The following SPOCK3 variants were observed in gnomAD, a reference collection of about 807,000 sequenced individuals.
SPOCK3 encodes the protein SPARC (osteonectin), cwcv and kazal like domains proteoglycan 3.
A neutral mutation model predicts 56.6 loss-of-function variants in SPOCK3; 30 were observed. The ratio of observed to expected loss-of-function variants is 0.53; its 90% CI spans 0.40 to 0.72. The LOEUF is 0.72. Among genes scored for constraint, SPOCK3 ranks in the 30% least tolerant of loss-of-function variants. The pLI, the probability that SPOCK3 is intolerant of heterozygous loss-of-function variation, is 0.00. For synonymous variants in SPOCK3, 196 were observed against 183.3 expected (o/e 1.07, Z -0.56); for missense variants, 527 against 530.0 (o/e 0.99, Z 0.06).
chr4:167,100,479 T>A (rs1759546989), intron 2 of SPOCK3, among the ~76,000 whole-genome samples: 2 of 148,022 alleles, frequency 1.4e-5, no homozygotes, highest in Admixed American at 6.8e-5. Flanking sequence ...ACCCACATTC[T>A]CTCTCTCTCA....
At chr4:167,156,305 G>C (rs1013589676) in intron 2 of SPOCK3, among the ~76,000 whole-genome samples, 2 of 152,090 alleles carry the variant, frequency 1.3e-5, no homozygotes, top group African/African-American at 2.4e-5. Context: ...TGATAATTCT[G>C]TTTCATAACT....
At chr4:166,876,291 G>A (rs559313672) in intron 6 of SPOCK3, among the ~76,000 whole-genome samples, 3 of 152,122 alleles carry the variant, frequency 2.0e-5, no homozygotes, top group African/African-American at 7.2e-5. Context: ...ATACCGCTGC[G>A]AATGTGACTG....
chr4:167,199,723 A>C (rs957189845), intron 2 of SPOCK3, among the ~76,000 whole-genome samples: 5 of 147,702 alleles, frequency 3.4e-5, no homozygotes, highest in Non-Finnish European at 7.5e-5. Context: ...AATAATAATA[A>C]TAATAATAAT....
At chr4:166,839,796 T>C (rs1239575016) in intron 6 of SPOCK3, among the ~76,000 whole-genome samples, 1 of 152,154 alleles carries the variant, frequency 6.6e-6, no homozygotes, top group Non-Finnish European at 1.5e-5. Flanking sequence ...TTTAGCTATA[T>C]AACCATAAAC....
intron 2 of SPOCK3, among the ~76,000 whole-genome samples, chr4:167,104,776 C>T (rs1368138889): frequency 6.6e-6 from 1 of 151,326 alleles, no homozygotes; most frequent in Non-Finnish European, 1.5e-5. Flanking sequence ...CAAAGATTAT[C>T]TCAAGGCATT....
At chr4:166,821,088 T>C (rs549289246) in intron 6 of SPOCK3, among the ~76,000 whole-genome samples, 7 of 152,068 alleles carry the variant, frequency 4.6e-5, no homozygotes, top group African/African-American at 1.7e-4. Context: ...TAAAGAAATA[T>C]TATAATTCAA....
chr4:166,807,219 T>C (rs1194457154), intron 6 of SPOCK3, among the ~76,000 whole-genome samples: 2 of 151,714 alleles, frequency 1.3e-5, no homozygotes, highest in African/African-American at 2.4e-5. Flanking sequence ...AGTGAGGTGA[T>C]GCAGCTGGCT....
chr4:167,014,765 TCACACA>T (rs145127893), intron 3 of SPOCK3, among the ~76,000 whole-genome samples: 2 of 149,566 alleles, frequency 1.3e-5, no homozygotes, highest in African/African-American at 4.9e-5. Flanking sequence ...ATACACACAC[TCACACA>T]CACACACACA....
intron 2 of SPOCK3, among the ~76,000 whole-genome samples, chr4:167,111,425 C>G (rs562785596): frequency 6.6e-6 from 1 of 152,146 alleles, no homozygotes; most frequent in East Asian, 1.9e-4. Flanking sequence ...ACAGGATGAT[C>G]ACAATTAGCC....
intron 7 of SPOCK3, among the ~76,000 whole-genome samples, chr4:166,772,461 C>T (rs4860021): frequency 0.33 from 49,911 of 151,954 alleles, 8,408 homozygotes; most frequent in Admixed American, 0.42. Flanking sequence ...GCATACAATT[C>T]ACATAATTAT....
Position 166,761,895 on chromosome 4 carries a change from T to TTA in SPOCK3, c.710-7167_710-7166insTA, listed in dbSNP as rs1553964190. On this transcript the variant is annotated intron_variant, in intron 7 of 10. Coordinates refer to ENST00000357545, the MANE Select transcript of SPOCK3 (RefSeq NM_001040159.2). Reference sequence around the variant, plus strand: ...ATGTACCCTAAAACTTAGAGTATAATAAAAAAAAAAAAAAAAAAAAAAAAA... The same window carrying TTA: ...ATGTACCCTAAAACTTAGAGTATAATTAAAAAAAAAAAAAAAAAAAAAAAAAA... Among the ~76,000 whole-genome samples, 4 of 103,384 alleles carry TTA rather than the reference T, an allele frequency of 3.9e-5. 1 individual carries two copies. Among genetic ancestry groups the TTA allele is most frequent in the Non-Finnish European group, 8.1e-5 (4 of 49,676 alleles). 67.8% of individuals were successfully genotyped at this position (103,384 alleles called of 152,430 possible).
At chr4:167,157,643 T>A (rs980334303) in intron 2 of SPOCK3, among the ~76,000 whole-genome samples, 33 of 139,742 alleles carry the variant, frequency 2.4e-4, no homozygotes, top group African/African-American at 9.4e-4. Context: ...AATAAATCAT[T>A]GTTTAAAACT....
chr4:166,966,933 G>T (rs1238111827), intron 4 of SPOCK3, among the ~76,000 whole-genome samples: 1 of 151,990 alleles, frequency 6.6e-6, no homozygotes, highest in African/African-American at 2.4e-5. Flanking sequence ...CCAAAAAGAG[G>T]TTTCCATGTT....
chr4:166,859,016 C>T (rs1730967270), intron 6 of SPOCK3, among the ~76,000 whole-genome samples: 1 of 152,156 alleles, frequency 6.6e-6, no homozygotes, highest in South Asian at 2.1e-4. Context: ...GAGGTTGTCA[C>T]ATTATAGCAC....
chr4:166,982,221 C>T (rs1016033581), intron 4 of SPOCK3, among the ~76,000 whole-genome samples: 3 of 152,170 alleles, frequency 2.0e-5, no homozygotes, highest in African/African-American at 7.2e-5. Flanking sequence ...ACAGTGGCTG[C>T]CCCAGATGGG....
At chr4:166,765,718 G>A (rs1231297277) in intron 7 of SPOCK3, among the ~76,000 whole-genome samples, 11 of 152,272 alleles carry the variant, frequency 7.2e-5, no homozygotes, top group African/African-American at 2.2e-4. Context: ...TTCCAATTCT[G>A]TGAAGAAAGT....
chr4:167,067,888 G>A (rs1253982068), intron 2 of SPOCK3, among the ~76,000 whole-genome samples: 2 of 151,532 alleles, frequency 1.3e-5, no homozygotes, highest in Non-Finnish European at 3.0e-5. Context: ...TTTACTCTAA[G>A]GCATTCAGAA....
At chr4:166,917,306 A>C (rs1737968709) in intron 4 of SPOCK3, among the ~76,000 whole-genome samples, 2 of 152,102 alleles carry the variant, frequency 1.3e-5, no homozygotes, top group South Asian at 4.1e-4. Context: ...CTAAATATGC[A>C]AGCAGAATAA....
chr4:166,856,611 T>A (rs180713416), intron 6 of SPOCK3, among the ~76,000 whole-genome samples: 53 of 152,084 alleles, frequency 3.5e-4, no homozygotes, highest in Non-Finnish European at 6.8e-4. Context: ...CTGTCTTTAC[T>A]AAAACTACAA....
Sources: allele counts gnomAD v4.1 joint callset (sites outside exome capture counted in the v4.1 genomes callset), GRCh38; gene constraint gnomAD v4.1.1; transcripts MANE v1.5; gene names NCBI Gene and HGNC (gene_info 2026-07-23, HGNC 2026-07-21).